Variants in SYNE2 observed in about 807,000 individuals in gnomAD.
SYNE2 encodes spectrin repeat containing nuclear envelope protein 2.
SYNE2 carries 431 observed loss-of-function variants against 856.3 expected under a neutral mutation model. The observed-to-expected ratio is 0.50, with a 90% CI of 0.47 to 0.55. SYNE2 has a LOEUF of 0.55. Ranked by LOEUF, SYNE2 falls within the 20% of genes least tolerant of loss-of-function variation. SYNE2 has a pLI of 0.00. For synonymous variants in SYNE2, 2,923 were observed against 2,872.3 expected (o/e 1.02, Z -0.56); for missense variants, 8,129 against 8,023.2 (o/e 1.01, Z -0.50).
intron 94 of SYNE2, chr14:64,173,785 A>G: frequency 1.8e-6 from 1 of 546,486 alleles, no homozygotes; most frequent in Non-Finnish European, 3.2e-6. Context: ...TTTAGAACAG[A>G]CAAAAACTAT....
chr14:64,056,212 C>G lies in SYNE2; in HGVS notation c.10013C>G (p.Ser3338Cys), dbSNP rs567792849. The part of the protein sequence containing the change: ...QLQYTLQELV[S>C]KNSAMKEAFK... ...CAGTATACTTTACAGGAACTAGTTTCTAAGAACTCAGCAATGAAGGAAGCT... is the reference window on the plus strand; with the variant it reads ...CAGTATACTTTACAGGAACTAGTTTGTAAGAACTCAGCAATGAAGGAAGCT... The change falls in exon 49 of 116, where the codon TCT (serine) becomes TGT (cysteine). Residue 3338 changes from serine to cysteine, a missense_variant. Physicochemically the swap from Ser to Cys is moderately radical, Grantham distance 112 (BLOSUM62 -1). Coordinates refer to ENST00000555002, the MANE Select transcript of SYNE2 (RefSeq NM_182914.3). The G allele has an allele frequency of 1.9e-6, 3 of 1,613,986 alleles. No individual in the cohort carries two copies. The East Asian group carries it at 6.7e-5, about 36-fold the overall frequency.
chr14:64,040,597 A>AT (rs1555446962), intron 45 of SYNE2, among the ~76,000 whole-genome samples: 18 of 142,534 alleles, frequency 1.3e-4, no homozygotes, highest in Admixed American at 4.2e-4. Context: ...TGAGGTTAAA[A>AT]ATATATATAT....
Position 64,098,221 on chromosome 14 carries a change from G to A in SYNE2, c.12306+75G>A, listed in dbSNP as rs982020384. ...AATGGGTAGTGTTTTCCACCTGAAC[G>A]ACCTGTGGCATCTATGTCTATGGCC... On this transcript the variant is annotated intron_variant, in intron 62 of 115. Coordinates refer to ENST00000555002, the MANE Select transcript of SYNE2 (RefSeq NM_182914.3). The A allele has an allele frequency of 4.4e-5, 67 of 1,507,446 alleles. No homozygotes were observed. In the African/African-American group the frequency reaches 5.6e-4, roughly 13 times the overall value. The allele number at this position is 1,507,446 out of a possible 1,614,324, so 93.4% of individuals were successfully genotyped here. A position where few individuals can be genotyped will look rare whatever the true frequency, so the allele number is the denominator to read the frequency against.
chr14:64,055,931 T>G lies in SYNE2; in HGVS notation c.9745-13T>G. The G allele has an allele frequency of 6.2e-7, 1 of 1,608,822 alleles. No individual in the cohort carries two copies. Among genetic ancestry groups the G allele is most frequent in the East Asian group, 2.2e-5 (1 of 44,818 alleles). On this transcript the variant is annotated splice_polypyrimidine_tract_variant and intron_variant, in intron 48 of 115. Transcript: ENST00000555002. The stretch of plus-strand genomic sequence containing the variant: ...GACAATTTTGTCACAGCATTTAATC[T>G]CCTATTCACTAGAATGTCTTGAATG...
At chr14:64,154,011 A>C (rs1201055334) in intron 85 of SYNE2, among the ~76,000 whole-genome samples, 2 of 152,138 alleles carry the variant, frequency 1.3e-5, no homozygotes, top group Non-Finnish European at 2.9e-5. Context: ...CATTCATACA[A>C]TATACAAAAA....
In SYNE2 at chr14:64,225,738, C is replaced by T. The variant is rs1364575387; in HGVS notation, c.*212C>T. The T allele has an allele frequency of 8.1e-6, 5 of 620,110 alleles. No homozygotes were observed. Among genetic ancestry groups the T allele is most frequent in the African/African-American group, 5.5e-5 (3 of 54,486 alleles). 38.4% of individuals were successfully genotyped at this position (620,110 alleles called of 1,614,324 possible). ...GAGCAGGGAACCTGTGTGGCAGGTG[C>T]CCCGGGTATTTTGGCAGAACTAGTT... On this transcript the variant is annotated 3_prime_UTR_variant, in exon 116 of 116. Transcript: ENST00000555002.
At chr14:64,167,769 T>G (rs771612794) in intron 92 of SYNE2, 130 bp downstream of exon 92, 34 of 1,244,576 alleles carry the variant, frequency 2.7e-5, no homozygotes, top group Non-Finnish European at 3.9e-5. Flanking sequence ...TTTAAGCAAA[T>G]TCAGTTGTCA....
At chr14:64,214,645 C>A in intron 106 of SYNE2, 175 bp downstream of exon 106, 1 of 646,908 alleles carries the variant, frequency 1.5e-6, no homozygotes, top group East Asian at 2.7e-5. Context: ...AATTGGCTCA[C>A]TCTCATCACA....
chr14:64,145,952 C>T (rs2098182409), intron 83 of SYNE2, 116 bp from the exon 84 acceptor site: 2 of 675,498 alleles, frequency 3.0e-6, no homozygotes, highest in Non-Finnish European at 4.7e-6. Context: ...CATCTTATTA[C>T]ATGAAATATT....
intron 96 of SYNE2, among the ~76,000 whole-genome samples, chr14:64,180,366 G>C (rs1166135725): frequency 6.6e-6 from 1 of 151,160 alleles, no homozygotes; most frequent in Non-Finnish European, 1.5e-5. Flanking sequence ...GAAAAGTTCT[G>C]ATAAGAGTTT....
chr14:63,919,277 A>AGATTTAAGT (rs1349173128), intron 2 of SYNE2, among the ~76,000 whole-genome samples: 60 of 152,310 alleles, frequency 3.9e-4, no homozygotes, highest in African/African-American at 1.4e-3. Flanking sequence ...GCTGTGCAGA[A>AGATTTAAGT]GATTTAAGTG....
rs2098712580 is a variant in SYNE2 at position 64,225,063 on chromosome 14, T to C, written c.20516+18T>C. 1 of 1,613,504 alleles carries C rather than the reference T, an allele frequency of 6.2e-7. No homozygotes were observed. The highest frequency in any genetic ancestry group is 8.5e-7 in the Non-Finnish European group (1 of 1,179,532). ...GAGAGCAGGTAACGGGGCTTTACCG[T>C]GACAGCAGTGCGTTCCCCTGCTCCA... On this transcript the variant is annotated intron_variant, in intron 115 of 115. Coordinates refer to ENST00000555002, the MANE Select transcript of SYNE2 (RefSeq NM_182914.3).
intron 1 of SYNE2, among the ~76,000 whole-genome samples, chr14:63,866,533 A>G (rs764650045): frequency 1.3e-5 from 2 of 152,090 alleles, no homozygotes; most frequent in Non-Finnish European, 2.9e-5. Context: ...CAGTATTTCT[A>G]TATTCCTTTG....
chr14:64,036,244 C>T (rs1182649948), intron 45 of SYNE2, among the ~76,000 whole-genome samples: 1 of 150,506 alleles, frequency 6.6e-6, no homozygotes, highest in Non-Finnish European at 1.5e-5. Context: ...ATGTTTTGAA[C>T]TTTCTCCACT....
intron 16 of SYNE2, among the ~76,000 whole-genome samples, chr14:63,982,188 T>C (rs1178051875): frequency 6.6e-6 from 1 of 152,198 alleles, no homozygotes; most frequent in Non-Finnish European, 1.5e-5. Flanking sequence ...ATAATATTTC[T>C]GGTCTAGGGA....
chr14:63,889,926 C>G (rs2095088702), intron 1 of SYNE2, among the ~76,000 whole-genome samples: 1 of 152,114 alleles, frequency 6.6e-6, no homozygotes, highest in South Asian at 2.1e-4. Context: ...AGGATAGAAT[C>G]TAGAAGAGAT....
chr14:63,961,808 G>A (rs544932487), intron 9 of SYNE2, among the ~76,000 whole-genome samples, 183 bp downstream of exon 9: 6 of 151,554 alleles, frequency 4.0e-5, no homozygotes, highest in South Asian at 2.1e-4. Context: ...ATTCCACTGG[G>A]CACCTTTTCT....
At position 63,999,037 on chromosome 14, in the gene SYNE2, A is replaced by G. The variant is rs1195417246; in HGVS notation, c.3477A>G (p.Leu1159=). 2 of 1,613,484 alleles carry G rather than the reference A, an allele frequency of 1.2e-6. No individual in the cohort carries two copies. The highest frequency in any genetic ancestry group is 8.5e-7 in the Non-Finnish European group (1 of 1,179,464). Residue 1159 remains leucine (L), a synonymous_variant, in exon 27 of 116, where the codon CTA becomes CTG. Coordinates refer to ENST00000555002, the MANE Select transcript of SYNE2 (RefSeq NM_182914.3). ...SSCLQAKLTD[L]QVIKNETDAR... ...GTCTGCAGGCTAAACTGACAGATCT[A>G]CAGGTAATTACCAAAAATATTATTT... is the stretch of plus-strand genomic sequence containing the variant.
intron 87 of SYNE2, among the ~76,000 whole-genome samples, chr14:64,160,465 A>G (rs2153713370): frequency 6.6e-6 from 1 of 152,342 alleles, no homozygotes; most frequent in South Asian, 2.1e-4. Flanking sequence ...AGTAGGTAGG[A>G]TAGATAGATA....
Sources: allele counts gnomAD v4.1 joint callset (sites outside exome capture counted in the v4.1 genomes callset), GRCh38; gene constraint gnomAD v4.1.1; transcripts MANE v1.5; gene names NCBI Gene and HGNC (gene_info 2026-07-23, HGNC 2026-07-21).